The following BMPER variants were observed in gnomAD, a reference collection of about 807,000 sequenced individuals.
The protein encoded by BMPER is BMP-binding endothelial regulator protein.
Under a neutral mutation model 87.3 loss-of-function variants are expected in BMPER, and 45 were observed. That is an observed-to-expected ratio of 0.52 (90% CI 0.41 to 0.66). The LOEUF is 0.66. Among genes scored for constraint, BMPER ranks in the 30% least tolerant of loss-of-function variants. The pLI, the probability that BMPER is intolerant of heterozygous loss-of-function variation, is 0.00. For synonymous variants in BMPER, 326 were observed against 316.2 expected (o/e 1.03, Z -0.33); for missense variants, 784 against 867.5 (o/e 0.90, Z 1.21).
At chr7:34,115,947 C>T (rs564875446) in intron 13 of BMPER, among the ~76,000 whole-genome samples, 1 of 152,136 alleles carries the variant, frequency 6.6e-6, no homozygotes, top group Non-Finnish European at 1.5e-5. Flanking sequence ...GCGTTCTGAG[C>T]GTTCTGATTT....
chr7:34,137,623 T>G (rs746602770), intron 13 of BMPER, among the ~76,000 whole-genome samples: 97 of 152,210 alleles, frequency 6.4e-4, no homozygotes, highest in Non-Finnish European at 1.2e-3. Context: ...CTAACTTTTT[T>G]GGGGCCACTT....
rs1017566414 is a variant in BMPER at position 33,974,752 on chromosome 7, G to A, written c.544G>A (p.Glu182Lys). 2 of 1,614,126 alleles carry A rather than the reference G, an allele frequency of 1.2e-6. No individual in the cohort carries two copies. The highest frequency in any genetic ancestry group is 1.7e-5 in the Admixed American group (1 of 60,026). Reference protein sequence around the residue: ...QYQEGEEFQPEGSKCTKCSCT... With the variant: ...QYQEGEEFQPKGSKCTKCSCT... ...TCAAGAAGGGGAGGAATTTCAGCCA[G>A]AAGGAAGCAAATGTACCAAGTGTTC... is the stretch of plus-strand genomic sequence containing the variant. Residue 182 changes from glutamate to lysine, a missense_variant, in exon 6 of 15, where the codon GAA becomes AAA. Glu to Lys is a moderately conservative substitution (Grantham distance 56, BLOSUM62 1). Transcript: ENST00000649409.
At chr7:34,011,446 G>A (rs1021141912) in intron 6 of BMPER, among the ~76,000 whole-genome samples, 1 of 151,586 alleles carries the variant, frequency 6.6e-6, no homozygotes, top group Non-Finnish European at 1.5e-5. Flanking sequence ...TTTTGTATAT[G>A]CAAAGTTTCA....
intron 13 of BMPER, among the ~76,000 whole-genome samples, chr7:34,124,725 TC>T: frequency 6.6e-6 from 1 of 152,178 alleles, no homozygotes; most frequent in Non-Finnish European, 1.5e-5. Flanking sequence ...ATGAAAAGCA[TC>T]CTTTTTTTGA....
At chr7:34,142,756 T>C (rs1461474537) in intron 13 of BMPER, among the ~76,000 whole-genome samples, 1 of 152,236 alleles carries the variant, frequency 6.6e-6, no homozygotes, top group Non-Finnish European at 1.5e-5. Context: ...TTACCATTTT[T>C]GGAAACATTG....
chr7:34,064,661 G>A (rs1215757593), intron 11 of BMPER, among the ~76,000 whole-genome samples: 2 of 152,192 alleles, frequency 1.3e-5, no homozygotes, highest in Non-Finnish European at 2.9e-5. Flanking sequence ...CTGCACCTGC[G>A]CGGAGCAGGT....
chr7:33,977,442 T>C (rs115078440), intron 6 of BMPER, among the ~76,000 whole-genome samples: 3,648 of 152,242 alleles, frequency 0.024, 163 homozygotes, highest in African/African-American at 0.084. Flanking sequence ...CTTGGAAGCT[T>C]TGGCATGTGA....
At chr7:34,058,813 G>A (rs1585786953) in intron 10 of BMPER, among the ~76,000 whole-genome samples, 1 of 152,116 alleles carries the variant, frequency 6.6e-6, no homozygotes, top group South Asian at 2.1e-4. Flanking sequence ...TTTTGGGAAG[G>A]TGTCAAACCT....
intron 9 of BMPER, among the ~76,000 whole-genome samples, chr7:34,056,001 C>T (rs1216831828): frequency 3.3e-5 from 5 of 152,188 alleles, no homozygotes; most frequent in Admixed American, 1.3e-4. Flanking sequence ...GAAGCTGTCA[C>T]CTCATGATAC....
At chr7:33,993,814 C>G (rs932986139) in intron 6 of BMPER, among the ~76,000 whole-genome samples, 3 of 152,202 alleles carry the variant, frequency 2.0e-5, no homozygotes, top group Non-Finnish European at 4.4e-5. Flanking sequence ...GATGTCCTTT[C>G]TGTTTGTTAG....
At chr7:34,101,995 A>C (rs756806078) in intron 13 of BMPER, among the ~76,000 whole-genome samples, 1 of 152,230 alleles carries the variant, frequency 6.6e-6, no homozygotes, top group Admixed American at 6.5e-5. Context: ...CCTATGAAGA[A>C]AACCCATTAA....
At chr7:34,123,674 A>G (rs1023531076) in intron 13 of BMPER, among the ~76,000 whole-genome samples, 1 of 152,214 alleles carries the variant, frequency 6.6e-6, no homozygotes. Flanking sequence ...AAATTCATGG[A>G]TGATTGAGCA....
At chr7:34,089,046 T>C (rs1026232003) in intron 13 of BMPER, among the ~76,000 whole-genome samples, 2 of 152,170 alleles carry the variant, frequency 1.3e-5, no homozygotes, top group African/African-American at 2.4e-5. Context: ...TCAGCAATCA[T>C]ACATCCCACA....
intron 6 of BMPER, among the ~76,000 whole-genome samples, chr7:33,985,202 G>T (rs1049991920): frequency 1.3e-5 from 2 of 152,112 alleles, no homozygotes; most frequent in Non-Finnish European, 2.9e-5. Flanking sequence ...TGTACAACTC[G>T]AGGATAACTA....
intron 3 of BMPER, among the ~76,000 whole-genome samples, chr7:33,943,783 G>A (rs143739598): frequency 2.0e-4 from 30 of 152,154 alleles, no homozygotes; most frequent in African/African-American, 6.7e-4. Flanking sequence ...TCCATCTAAC[G>A]GATTCCCCCA....
At chr7:34,003,090 G>T (rs1231623145) in intron 6 of BMPER, among the ~76,000 whole-genome samples, 2 of 151,518 alleles carry the variant, frequency 1.3e-5, no homozygotes, top group East Asian at 1.9e-4. Context: ...TTGTTCTGCA[G>T]TTCCTCCATT....
chr7:33,939,515 A>G (rs1784697410), intron 3 of BMPER, among the ~76,000 whole-genome samples: 1 of 152,120 alleles, frequency 6.6e-6, no homozygotes, highest in East Asian at 1.9e-4. Flanking sequence ...TGAATGGGTG[A>G]TAGGGTTTAG....
chr7:33,946,111 T>A (rs1001997452), intron 3 of BMPER, among the ~76,000 whole-genome samples: 2 of 152,250 alleles, frequency 1.3e-5, no homozygotes, highest in African/African-American at 2.4e-5. Context: ...AGTACAATCA[T>A]GGCAGAAAGC....
intron 2 of BMPER, among the ~76,000 whole-genome samples, chr7:33,926,142 T>C (rs1585642834): frequency 6.6e-6 from 1 of 152,178 alleles, no homozygotes. Flanking sequence ...TATTTTCTGT[T>C]CCCATCAAAA....
Sources: allele counts gnomAD v4.1 joint callset (sites outside exome capture counted in the v4.1 genomes callset), GRCh38; gene constraint gnomAD v4.1.1; transcripts MANE v1.5; gene names NCBI Gene and HGNC (gene_info 2026-07-23, HGNC 2026-07-21).